TDP2: variants seen among roughly 807,000 people sequenced by gnomAD.
TDP2 encodes the protein 5'-Tyr-DNA phosphodiesterase.
A neutral mutation model predicts 42.8 loss-of-function variants in TDP2; 38 were observed. That is an observed-to-expected ratio of 0.89 (90% CI 0.68 to 1.16). TDP2 has a LOEUF of 1.16. Ranked by LOEUF, TDP2 falls within the 50% of genes most tolerant of loss-of-function variation. The probability of loss-of-function intolerance (pLI) is 0.00; values close to 1 mark genes in which losing one functional copy is unlikely to be tolerated. For missense variants in TDP2, 439 were observed against 439.3 expected, an observed-to-expected ratio of 1.00 and a Z score of 0.01; for synonymous variants, 173 against 150.6, an observed-to-expected ratio of 1.15 and a Z score of -1.09.
intron 3 of TDP2, 111 bp from the exon 4 acceptor site, chr6:24,658,014 C>G (rs778000489): frequency 4.7e-6 from 3 of 642,606 alleles, no homozygotes; most frequent in African/African-American, 3.9e-5. Flanking sequence ...CTCTAGGGCA[C>G]CTAATATTGA....
At position 24,654,405 on chromosome 6, in the gene TDP2, TACTC is replaced by T. The variant is rs1240335250; in HGVS notation, c.636+3_636+6del. The T allele has an allele frequency of 9.4e-6, 12 of 1,279,404 alleles. No homozygotes were observed. The highest frequency in any genetic ancestry group is 2.7e-5 in the South Asian group (2 of 74,864). 79.3% of individuals were successfully genotyped at this position (1,279,404 alleles called of 1,614,324 possible). ...TATAAAACACTCAATTTTTAAAAATTACTCACATGCACACATAAAAGGTTTCTCA... is the reference window on the plus strand; with the variant it reads ...TATAAAACACTCAATTTTTAAAAATTACATGCACACATAAAAGGTTTCTCA... On this transcript the variant is annotated splice_donor_5th_base_variant and intron_variant, in intron 5 of 6. Transcript: ENST00000378198.
At position 24,650,695 on chromosome 6, in the gene TDP2, A is replaced by T; in HGVS notation, c.*93T>A. 1 of 1,234,318 alleles carries T rather than the reference A, an allele frequency of 8.1e-7. No individual in the cohort carries two copies. The highest frequency in any genetic ancestry group is 1.1e-6 in the Non-Finnish European group (1 of 876,370). The allele number at this position is 1,234,318 out of a possible 1,614,324, so 76.5% of individuals were successfully genotyped here. A position where few individuals can be genotyped will look rare whatever the true frequency, so the allele number is the denominator to read the frequency against. On this transcript the variant is annotated 3_prime_UTR_variant, in exon 7 of 7. Transcript: ENST00000378198. ...GTTGGTTTTTCTGTGACAATGATCT[A>T]GTACATTATTTCCTCCACAGCAAAC...
intron 6 of TDP2, 169 bp downstream of exon 6, chr6:24,652,814 C>G: frequency 3.0e-6 from 2 of 662,794 alleles, no homozygotes; most frequent in Non-Finnish European, 5.1e-6. Context: ...GCCCCTTCTT[C>G]CCCTAGGCAT....
intron 2 of TDP2, chr6:24,666,144 G>A (rs1417146276): frequency 6.5e-7 from 1 of 1,550,278 alleles, no homozygotes. Context: ...GTCAGCCTAG[G>A]GCCTAGAATA....
chr6:24,666,471 A>G (rs1382865174), intron 2 of TDP2, 55 bp downstream of exon 2: 4 of 1,561,712 alleles, frequency 2.6e-6, no homozygotes, highest in Admixed American at 1.7e-5. Context: ...GCGCAGGGCT[A>G]CCTGGTATCA....
intron 2 of TDP2, among the ~76,000 whole-genome samples, chr6:24,661,713 C>A (rs1778150626): frequency 6.8e-6 from 1 of 147,936 alleles, no homozygotes; most frequent in South Asian, 2.1e-4. Context: ...AAATAACCTT[C>A]AAGAGCATAA....
intron 4 of TDP2, 74 bp from the exon 5 acceptor site, chr6:24,654,604 T>C (rs1181654888): frequency 2.6e-6 from 2 of 779,782 alleles, no homozygotes; most frequent in Non-Finnish European, 4.3e-6. Context: ...AGTTTGCCTA[T>C]TGAAGAATTT....
intron 6 of TDP2, 48 bp from the exon 7 acceptor site, chr6:24,651,117 A>T: frequency 7.6e-7 from 1 of 1,309,256 alleles, no homozygotes; most frequent in Non-Finnish European, 1.0e-6. Context: ...CCTTTTGCCC[A>T]CTAACTTAAA....
At chr6:24,663,122 G>T (rs141577737) in intron 2 of TDP2, among the ~76,000 whole-genome samples, 141 of 152,258 alleles carry the variant, frequency 9.3e-4, no homozygotes, top group African/African-American at 9.9e-4. Flanking sequence ...TATGGGGAGA[G>T]CATGATGGTG....
intron 5 of TDP2, among the ~76,000 whole-genome samples, chr6:24,653,911 T>C (rs1447421261): frequency 6.6e-6 from 1 of 152,226 alleles, no homozygotes; most frequent in African/African-American, 2.4e-5. Context: ...TCAGGGTTCA[T>C]TTCAAATACC....
chr6:24,659,785 T>C (rs1247203751), intron 2 of TDP2, among the ~76,000 whole-genome samples: 1 of 152,210 alleles, frequency 6.6e-6, no homozygotes, highest in Non-Finnish European at 1.5e-5. Context: ...GCTTGCTTAC[T>C]ACAGGGAAAG....
At chr6:24,664,611 C>T (rs977533337) in intron 2 of TDP2, among the ~76,000 whole-genome samples, 1 of 152,208 alleles carries the variant, frequency 6.6e-6, no homozygotes, top group South Asian at 2.1e-4. Context: ...TTAAGACAGC[C>T]AATGCCCTTG....
intron 2 of TDP2, among the ~76,000 whole-genome samples, chr6:24,659,452 C>A (rs1778106957): frequency 6.6e-6 from 1 of 152,170 alleles, no homozygotes; most frequent in Admixed American, 6.5e-5. Context: ...GCAAAATAAA[C>A]CTTCTAAATT....
Position 24,658,581 on chromosome 6 carries a change from C to A in TDP2, c.405G>T (p.Gly135=). Residue 135 remains glycine (G), a synonymous_variant, in exon 3 of 7, where the codon GGG becomes GGT. Coordinates refer to ENST00000378198, the MANE Select transcript of TDP2 (RefSeq NM_016614.3). ...CTTACAAAGCTAAGTAGGAACACAC[C>A]CCTCGAGCCCTCTCTGACAGATTGT... ...DLNNLSERAR[G]VCSYLALYSP... 6.2e-7 allele frequency: 1 copy of A among 1,611,162 alleles called. No individual in the cohort carries two copies.
At chr6:24,659,763 C>T (rs1022968206) in intron 2 of TDP2, among the ~76,000 whole-genome samples, 1 of 152,150 alleles carries the variant, frequency 6.6e-6, no homozygotes, top group Non-Finnish European at 1.5e-5. Context: ...CCTTTGAATC[C>T]AGACCTTAGT....
chr6:24,660,609 A>G lies in TDP2; in HGVS notation c.252-1875T>C, dbSNP rs554204556. On this transcript the variant is annotated intron_variant, in intron 2 of 6. Coordinates refer to ENST00000378198, the MANE Select transcript of TDP2 (RefSeq NM_016614.3). ...AACAGTATACTCTAGTATGATCAAC[A>G]AGTCAGAAGATTATCATTGATATAA... Among the ~76,000 whole-genome samples the G allele has an allele frequency of 6.6e-5, 10 of 152,366 alleles. No individual in the cohort carries two copies. In the South Asian group the frequency reaches 1.7e-3, roughly 25 times the overall value.
chr6:24,658,780 T>C, intron 2 of TDP2, 46 bp from the exon 3 acceptor site: 7 of 1,554,150 alleles, frequency 4.5e-6, no homozygotes, highest in Non-Finnish European at 6.1e-6. Flanking sequence ...AATCTATAAA[T>C]TGATTAAGAA....
Position 24,652,995 on chromosome 6 carries a change from T to G in TDP2, c.795A>C (p.Leu265=), listed in dbSNP as rs376099598. The change falls in exon 6 of 7, where the codon CTA becomes CTC. Residue 265 remains leucine, a synonymous_variant. Coordinates refer to ENST00000378198, the MANE Select transcript of TDP2 (RefSeq NM_016614.3). ...CTTTGTCACTCACCTCTCGATCCCTTAGATTTGTATCTCCTGCAAATATAA... is the reference window on the plus strand; with the variant it reads ...CTTTGTCACTCACCTCTCGATCCCTGAGATTTGTATCTCCTGCAAATATAA... ...ATVIFAGDTN[L]RDREVTRCGG... The G allele has an allele frequency of 1.9e-6, 3 of 1,613,398 alleles. No homozygotes were observed. The highest frequency in any genetic ancestry group is 2.5e-6 in the Non-Finnish European group (3 of 1,180,016).
intron 2 of TDP2, among the ~76,000 whole-genome samples, chr6:24,664,150 T>C (rs1182245228): frequency 6.6e-6 from 1 of 152,116 alleles, no homozygotes; most frequent in Admixed American, 6.5e-5. Context: ...CACCTGGAGA[T>C]CTTGTCAAAA....
Sources: allele counts gnomAD v4.1 joint callset (sites outside exome capture counted in the v4.1 genomes callset), GRCh38; gene constraint gnomAD v4.1.1; transcripts MANE v1.5; gene names NCBI Gene and HGNC (gene_info 2026-07-23, HGNC 2026-07-21).